Variants in NCOA2 observed in about 807,000 individuals in gnomAD.
The protein encoded by NCOA2 is class E basic helix-loop-helix protein 75.
NCOA2 carries 21 observed loss-of-function variants against 145.1 expected under a neutral mutation model. That is an observed-to-expected ratio of 0.14 (90% CI 0.10 to 0.21). The LOEUF (loss-of-function observed/expected upper bound fraction) is 0.21. Among genes scored for constraint, NCOA2 ranks in the 10% least tolerant of loss-of-function variants. The probability of loss-of-function intolerance (pLI) is 1.00; values close to 1 mark genes in which losing one functional copy is unlikely to be tolerated. For missense variants in NCOA2, 1,472 were observed against 1,837.6 expected (o/e 0.80, Z 3.64); for synonymous variants, 619 against 637.5 (o/e 0.97, Z 0.44).
intron 4 of NCOA2, among the ~76,000 whole-genome samples, chr8:70,196,809 A>G (rs1174374908): frequency 6.6e-6 from 1 of 152,240 alleles, no homozygotes; most frequent in East Asian, 1.9e-4. Flanking sequence ...CATGACAACC[A>G]TTCTCAGGTA....
At chr8:70,360,087 T>C (rs1245348447) in intron 1 of NCOA2, among the ~76,000 whole-genome samples, 1 of 152,216 alleles carries the variant, frequency 6.6e-6, no homozygotes, top group Non-Finnish European at 1.5e-5. Flanking sequence ...AAATGCAGTA[T>C]TTTTTATTTA....
intron 1 of NCOA2, among the ~76,000 whole-genome samples, chr8:70,377,645 T>G (rs1811799798): frequency 6.6e-6 from 1 of 152,172 alleles, no homozygotes; most frequent in African/African-American, 2.4e-5. Context: ...AGTCTAGAAT[T>G]CCAGGCATTG....
At chr8:70,284,138 AAAT>A (rs1355462382) in intron 2 of NCOA2, among the ~76,000 whole-genome samples, 1 of 152,196 alleles carries the variant, frequency 6.6e-6, no homozygotes, top group Non-Finnish European at 1.5e-5. Context: ...TGAAGAACAC[AAAT>A]GATCATCTGC....
chr8:70,362,507 T>C (rs534067709), intron 1 of NCOA2, among the ~76,000 whole-genome samples: 1 of 152,224 alleles, frequency 6.6e-6, no homozygotes, highest in Non-Finnish European at 1.5e-5. Context: ...TTTAGCAGAC[T>C]CTTCACCAAA....
At chr8:70,396,316 T>A (rs1813667880) in intron 1 of NCOA2, among the ~76,000 whole-genome samples, 2 of 152,252 alleles carry the variant, frequency 1.3e-5, no homozygotes, top group Admixed American at 1.3e-4. Flanking sequence ...TTTCTTGAGC[T>A]TTATTTTCTG....
chr8:70,369,843 C>T (rs774057227), intron 1 of NCOA2, among the ~76,000 whole-genome samples: 23 of 151,898 alleles, frequency 1.5e-4, no homozygotes, highest in Non-Finnish European at 2.9e-4. Flanking sequence ...CAAGAAGCTA[C>T]AAAGTACTAA....
chr8:70,148,624 A>G, intron 11 of NCOA2, 141 bp from the exon 12 acceptor site: 1 of 677,282 alleles, frequency 1.5e-6, no homozygotes, highest in Non-Finnish European at 2.5e-6. Flanking sequence ...CAGGCCTAAC[A>G]GATAATTGAT....
intron 1 of NCOA2, among the ~76,000 whole-genome samples, chr8:70,400,824 A>T (rs1458611594): frequency 6.6e-6 from 1 of 152,202 alleles, no homozygotes; most frequent in Admixed American, 6.5e-5. Flanking sequence ...GTTCCCTAGA[A>T]CTGCAGTCCC....
intron 2 of NCOA2, among the ~76,000 whole-genome samples, chr8:70,219,898 T>C (rs1339697791): frequency 6.6e-6 from 1 of 152,112 alleles, no homozygotes; most frequent in Non-Finnish European, 1.5e-5. Flanking sequence ...CCAGGTGAGT[T>C]CATTTTTCCC....
intron 2 of NCOA2, among the ~76,000 whole-genome samples, chr8:70,278,433 G>A (rs1825628583): frequency 6.6e-6 from 1 of 152,180 alleles, no homozygotes; most frequent in Admixed American, 6.5e-5. Context: ...ATGGGATGAT[G>A]TGGATCATAG....
chr8:70,321,464 T>C (rs1806054599), intron 1 of NCOA2, among the ~76,000 whole-genome samples: 1 of 152,068 alleles, frequency 6.6e-6, no homozygotes, highest in African/African-American at 2.4e-5. Flanking sequence ...CCAGCCAATA[T>C]TCATAAAATA....
At chr8:70,162,619 C>G (rs1399059361) in intron 9 of NCOA2, 92 bp downstream of exon 9, 9 of 1,338,256 alleles carry the variant, frequency 6.7e-6, no homozygotes, top group Middle Eastern at 4.4e-4. Context: ...GAACAGTCAC[C>G]AGCTCTGTTC....
At chr8:70,126,142 A>G (rs1409196661) in intron 19 of NCOA2, among the ~76,000 whole-genome samples, 3 of 151,046 alleles carry the variant, frequency 2.0e-5, no homozygotes, top group Admixed American at 6.7e-5. Flanking sequence ...TTGAATATTA[A>G]CATTAATGTA....
At chr8:70,397,018 G>A (rs1296440843) in intron 1 of NCOA2, among the ~76,000 whole-genome samples, 5 of 152,128 alleles carry the variant, frequency 3.3e-5, no homozygotes, top group Non-Finnish European at 7.3e-5. Flanking sequence ...GAAAATGGAG[G>A]TAACCTCTAT....
At chr8:70,358,783 A>G in intron 1 of NCOA2, among the ~76,000 whole-genome samples, 1 of 152,204 alleles carries the variant, frequency 6.6e-6, no homozygotes, top group East Asian at 1.9e-4. Flanking sequence ...GGACATTATG[A>G]AGAAAACTAA....
chr8:70,159,356 T>G, intron 10 of NCOA2, 149 bp downstream of exon 10: 1 of 737,732 alleles, frequency 1.4e-6, no homozygotes, highest in East Asian at 2.9e-5. Flanking sequence ...AGCCAACAGC[T>G]AATAACAATT....
chr8:70,355,583 CTTTTTTTTTTT>C (rs1410014410), intron 1 of NCOA2, among the ~76,000 whole-genome samples: 4 of 147,156 alleles, frequency 2.7e-5, no homozygotes, highest in African/African-American at 9.9e-5. Flanking sequence ...TTGTTTTTTT[CTTTTTTTTTTT>C]CTCTCATCGG....
At chr8:70,318,679 C>T (rs1805807479) in intron 1 of NCOA2, among the ~76,000 whole-genome samples, 1 of 152,076 alleles carries the variant, frequency 6.6e-6, no homozygotes, top group African/African-American at 2.4e-5. Context: ...GTGGGAGGAT[C>T]ATTTGAGCCC....
chr8:70,438,096 A>G, the NCOA2 span, among the ~76,000 whole-genome samples: 1 of 152,212 alleles, frequency 6.6e-6, no homozygotes, highest in Non-Finnish European at 1.5e-5. Flanking sequence ...TACTCCTTCA[A>G]TGGCCTAATA....
Sources: allele counts gnomAD v4.1 joint callset (sites outside exome capture counted in the v4.1 genomes callset), GRCh38; gene constraint gnomAD v4.1.1; transcripts MANE v1.5; gene names NCBI Gene and HGNC (gene_info 2026-07-23, HGNC 2026-07-21).